CDH18: variants seen among roughly 807,000 people sequenced by gnomAD.
CDH18 encodes the protein cadherin-18.
In CDH18, 31 loss-of-function variants were observed where a neutral mutation model predicts 67.9. That is an observed-to-expected ratio of 0.46 (90% confidence interval 0.34 to 0.62). The LOEUF (loss-of-function observed/expected upper bound fraction) is 0.62, where lower values mean the gene tolerates loss of function less well. Among genes scored for constraint, CDH18 ranks in the 20% least tolerant of loss-of-function variants. The probability of loss-of-function intolerance (pLI) is 0.01; values close to 1 mark genes in which losing one functional copy is unlikely to be tolerated. For missense variants in CDH18, 890 were observed against 975.5 expected, an observed-to-expected ratio of 0.91 and a Z score of 1.17; for synonymous variants, 362 against 347.2, an observed-to-expected ratio of 1.04 and a Z score of -0.48.
chr5:19,663,086 A>G (rs1225638393), intron 5 of CDH18, among the ~76,000 whole-genome samples: 1 of 151,962 alleles, frequency 6.6e-6, no homozygotes, highest in Non-Finnish European at 1.5e-5. Context: ...TTTTTCCCCA[A>G]ATATTTACAT....
chr5:19,650,875 T>C (rs186375459), intron 5 of CDH18, among the ~76,000 whole-genome samples: 163 of 152,196 alleles, frequency 1.1e-3, no homozygotes, highest in East Asian at 7.1e-3. Flanking sequence ...AATTCTCATT[T>C]CAAGACAAAA....
intron 2 of CDH18, among the ~76,000 whole-genome samples, chr5:19,906,333 G>A (rs1790534042): frequency 6.6e-6 from 1 of 151,726 alleles, no homozygotes; most frequent in East Asian, 1.9e-4. Context: ...GTGTAATACA[G>A]GTTAAAGTTT....
intron 6 of CDH18, among the ~76,000 whole-genome samples, chr5:19,601,563 A>G (rs1747120999): frequency 6.6e-6 from 1 of 152,090 alleles, no homozygotes; most frequent in Non-Finnish European, 1.5e-5. Flanking sequence ...AAAATCTTGC[A>G]AAAAGTAAAA....
intron 3 of CDH18, among the ~76,000 whole-genome samples, chr5:19,804,986 C>A (rs1040585519): frequency 1.3e-5 from 2 of 151,664 alleles, no homozygotes; most frequent in East Asian, 3.9e-4. Context: ...GCTCTGTCAC[C>A]CAGGCTGAAG....
At chr5:20,119,568 A>ACCATGTATTC (rs1389281130) in intron 2 of CDH18, among the ~76,000 whole-genome samples, 1 of 152,044 alleles carries the variant, frequency 6.6e-6, no homozygotes, top group Non-Finnish European at 1.5e-5. Context: ...AGTTACAGGG[A>ACCATGTATTC]CCAGAAGGAC....
intron 2 of CDH18, among the ~76,000 whole-genome samples, chr5:20,022,807 G>C (rs1193503698): frequency 6.6e-6 from 1 of 152,136 alleles, no homozygotes; most frequent in Non-Finnish European, 1.5e-5. Flanking sequence ...ATTGTAGAAA[G>C]GAAAAATATT....
At chr5:19,904,336 A>AAGGG (rs909368303) in intron 2 of CDH18, among the ~76,000 whole-genome samples, 8 of 125,482 alleles carry the variant, frequency 6.4e-5, no homozygotes, top group South Asian at 6.0e-4. Context: ...AAAGAGAGAG[A>AAGGG]AGGGAGGGAG....
At chr5:20,564,647 G>C (rs1758402964) in intron 1 of CDH18, among the ~76,000 whole-genome samples, 1 of 152,084 alleles carries the variant, frequency 6.6e-6, no homozygotes, top group Non-Finnish European at 1.5e-5. Context: ...TTTATTGTCT[G>C]TTCCCTTTTG....
intron 11 of CDH18, among the ~76,000 whole-genome samples, chr5:19,499,211 G>A (rs759692193): frequency 1.6e-4 from 24 of 152,192 alleles, no homozygotes; most frequent in Admixed American, 1.3e-4. Flanking sequence ...ACATTATTAT[G>A]CCACATTTGT....
At chr5:20,095,581 G>GACGAAAGGAAGAAAGA (rs1745913576) in intron 2 of CDH18, among the ~76,000 whole-genome samples, 1 of 8,964 alleles carries the variant, frequency 1.1e-4, no homozygotes, top group African/African-American at 1.5e-4. Context: ...AGGAAGAAAG[G>GACGAAAGGAAGAAAGA]AAGAAAGGAA....
At chr5:20,111,521 CCCTCCCTT>C (rs1472443791) in intron 2 of CDH18, among the ~76,000 whole-genome samples, 15 of 129,720 alleles carry the variant, frequency 1.2e-4, no homozygotes, top group South Asian at 2.7e-4. Context: ...CTCCCTCCCT[CCCTCCCTT>C]CCTTCCTTCC....
At chr5:20,128,935 C>T (rs1283687602) in intron 2 of CDH18, among the ~76,000 whole-genome samples, 1 of 151,880 alleles carries the variant, frequency 6.6e-6, no homozygotes, top group Non-Finnish European at 1.5e-5. Flanking sequence ...AATTGATCTT[C>T]TATAAAGGAA....
At chr5:19,509,460 A>C (rs922650177) in intron 10 of CDH18, among the ~76,000 whole-genome samples, 2 of 152,178 alleles carry the variant, frequency 1.3e-5, no homozygotes, top group African/African-American at 4.8e-5. Context: ...TCTAAAATAC[A>C]TAGTGTCCTG....
At chr5:20,093,257 G>A (rs184888705) in intron 2 of CDH18, among the ~76,000 whole-genome samples, 4 of 151,236 alleles carry the variant, frequency 2.6e-5, no homozygotes, top group East Asian at 2.0e-4. Flanking sequence ...ACACTCACAC[G>A]AATATATTAA....
chr5:20,106,108 A>G (rs777458422), intron 2 of CDH18, among the ~76,000 whole-genome samples: 1 of 152,108 alleles, frequency 6.6e-6, no homozygotes, highest in Non-Finnish European at 1.5e-5. Flanking sequence ...TCCCTGGCAG[A>G]AGATCATAAA....
At chr5:20,450,877 G>T (rs528489248) in intron 1 of CDH18, among the ~76,000 whole-genome samples, 62 of 152,246 alleles carry the variant, frequency 4.1e-4, no homozygotes, top group South Asian at 1.7e-3. Flanking sequence ...AATCATGGTG[G>T]AAGGTAAATG....
intron 5 of CDH18, among the ~76,000 whole-genome samples, chr5:19,660,354 T>G (rs1182171643): frequency 6.6e-6 from 1 of 152,130 alleles, no homozygotes; most frequent in Non-Finnish European, 1.5e-5. Context: ...AGTGAAACAC[T>G]GAGAGTGAAT....
At chr5:20,538,047 C>T (rs558232420) in intron 1 of CDH18, among the ~76,000 whole-genome samples, 1 of 152,118 alleles carries the variant, frequency 6.6e-6, no homozygotes, top group East Asian at 1.9e-4. Context: ...GGAAATACAC[C>T]TTCAATTTTG....
intron 5 of CDH18, among the ~76,000 whole-genome samples, chr5:19,613,966 T>C (rs1749416723): frequency 6.6e-6 from 1 of 152,240 alleles, no homozygotes; most frequent in Middle Eastern, 3.4e-3. Context: ...AAGCATGTCA[T>C]CTTTAATAAA....
Sources: allele counts gnomAD v4.1 joint callset (sites outside exome capture counted in the v4.1 genomes callset), GRCh38; gene constraint gnomAD v4.1.1; transcripts MANE v1.5; gene names NCBI Gene and HGNC (gene_info 2026-07-23, HGNC 2026-07-21).